The following SUCO variants were observed in gnomAD, a reference collection of about 807,000 sequenced individuals.
The protein encoded by SUCO is SUN domain-containing ossification factor.
In SUCO, 57 loss-of-function variants were observed where a neutral mutation model predicts 148.1. The ratio of observed to expected loss-of-function variants is 0.38; its 90% CI spans 0.31 to 0.48. SUCO has a LOEUF of 0.48. Among genes scored for constraint, SUCO ranks in the 20% least tolerant of loss-of-function variants. SUCO has a pLI of 0.96. For synonymous variants in SUCO, 470 were observed against 502.7 expected, an observed-to-expected ratio of 0.93 and a Z score of 0.87; for missense variants, 1,331 against 1,468.2, an observed-to-expected ratio of 0.91 and a Z score of 1.53.
chr1:172,589,041 G>T lies in SUCO; in HGVS notation c.1940G>T (p.Arg647Leu). The change falls in exon 18 of 24, where the codon CGC (arginine) becomes CTC (leucine). Residue 647 changes from arginine to leucine, a missense_variant. Arg to Leu is a moderately radical substitution (Grantham distance 102). Coordinates refer to ENST00000263688, the MANE Select transcript of SUCO (RefSeq NM_014283.5). ...GTTAGAGTTGCTCTTTATCGGCAGC[G>T]CAGCCGAACTGCTTTGAGTAAAGGA... is the stretch of plus-strand genomic sequence containing the variant. ...CSVRVALYRQRSRTALSKGKD... is the reference protein window; with the variant it reads ...CSVRVALYRQLSRTALSKGKD... 6.2e-7 allele frequency: 1 copy of T among 1,613,486 alleles called. No individual in the cohort carries two copies. Among genetic ancestry groups the T allele is most frequent in the African/African-American group, 1.3e-5 (1 of 75,004 alleles).
chr1:172,547,391 TGTTGAGAA>T (rs1371110663), intron 1 of SUCO, among the ~76,000 whole-genome samples: 1 of 152,246 alleles, frequency 6.6e-6, no homozygotes, highest in African/African-American at 2.4e-5. Flanking sequence ...TTTTCATTGC[TGTTGAGAA>T]GTACCTAAAA....
intron 6 of SUCO, among the ~76,000 whole-genome samples, chr1:172,562,216 TAA>T (rs769675452): frequency 6.6e-4 from 100 of 151,556 alleles, no homozygotes; most frequent in Admixed American, 1.2e-3. Flanking sequence ...CAAAAAAAGC[TAA>T]AAGAGTTAAA....
At chr1:172,602,655 T>G (rs1261404768) in intron 21 of SUCO, 41 bp from the exon 22 acceptor site, 8 of 1,604,100 alleles carry the variant, frequency 5.0e-6, no homozygotes, top group Non-Finnish European at 6.8e-6. Flanking sequence ...TATATGTGCT[T>G]TACTCGTTGT....
At chr1:172,551,986 A>G (rs1404456736) in intron 2 of SUCO, 1 of 154,820 alleles carries the variant, frequency 6.5e-6, no homozygotes, top group East Asian at 1.9e-4. Context: ...GGGAGAATCT[A>G]CAGTCAGTGG....
At chr1:172,555,248 A>G (rs984050585) in intron 3 of SUCO, 4 of 208,336 alleles carry the variant, frequency 1.9e-5, no homozygotes, top group Non-Finnish European at 2.5e-5. Flanking sequence ...AAAAGTGTAC[A>G]GAGAACACTG....
intron 23 of SUCO, 165 bp from the exon 24 acceptor site, chr1:172,609,651 T>A: frequency 1.0e-6 from 1 of 984,690 alleles, no homozygotes. Context: ...AAGATGATGC[T>A]AGTATCTATA....
At chr1:172,542,922 A>C (rs1185541214) in intron 1 of SUCO, 2 of 985,306 alleles carry the variant, frequency 2.0e-6, no homozygotes, top group Non-Finnish European at 1.2e-6. Context: ...GAAACTTTTC[A>C]AAAGAGGGAA....
At chr1:172,533,733 C>A (rs960607706) in intron 1 of SUCO, among the ~76,000 whole-genome samples, 6 of 152,120 alleles carry the variant, frequency 3.9e-5, no homozygotes, top group African/African-American at 1.4e-4. Context: ...GAGAGAGGTG[C>A]CAAGGTAGAG....
chr1:172,606,565 T>A (rs1242870958), intron 22 of SUCO, among the ~76,000 whole-genome samples: 2 of 151,810 alleles, frequency 1.3e-5, no homozygotes, highest in Non-Finnish European at 3.0e-5. Context: ...TAATTTTAAC[T>A]CAACAAGGTA....
chr1:172,535,610 G>A (rs980118016), intron 1 of SUCO, among the ~76,000 whole-genome samples: 1 of 152,134 alleles, frequency 6.6e-6, no homozygotes, highest in Non-Finnish European at 1.5e-5. Context: ...AACAGAAATG[G>A]CTACCAACAA....
intron 3 of SUCO, among the ~76,000 whole-genome samples, chr1:172,555,573 A>G (rs185817967): frequency 6.6e-5 from 10 of 152,310 alleles, no homozygotes; most frequent in South Asian, 6.2e-4. Context: ...TCATTCATCA[A>G]TTAGAGAAGA....
chr1:172,540,028 T>C (rs895689288), intron 1 of SUCO, among the ~76,000 whole-genome samples: 9 of 152,368 alleles, frequency 5.9e-5, no homozygotes, highest in Middle Eastern at 6.8e-3. Flanking sequence ...CTCTTCTAAG[T>C]ACTAAATACT....
At chr1:172,577,101 T>C (rs1195602163) in intron 11 of SUCO, 1 of 563,888 alleles carries the variant, frequency 1.8e-6, no homozygotes, top group Non-Finnish European at 2.2e-6. Context: ...TACCAATATG[T>C]ATATGTGTAG....
chr1:172,592,877 A>G (rs985374251), intron 19 of SUCO, among the ~76,000 whole-genome samples: 1 of 152,132 alleles, frequency 6.6e-6, no homozygotes, highest in Admixed American at 6.5e-5. Flanking sequence ...CAGTATGGCC[A>G]TTTTCACGAT....
chr1:172,580,531 T>C (rs1460455204), intron 15 of SUCO, among the ~76,000 whole-genome samples: 1 of 152,196 alleles, frequency 6.6e-6, no homozygotes, highest in Admixed American at 6.5e-5. Context: ...TGTTTTTGTT[T>C]CCCTTAATTT....
chr1:172,585,199 G>T, intron 16 of SUCO, 113 bp downstream of exon 16: 1 of 915,096 alleles, frequency 1.1e-6, no homozygotes, highest in Non-Finnish European at 1.5e-6. Context: ...TAGAAATATA[G>T]AAATAATTCA....
chr1:172,601,056 T>G (rs1055521341), intron 20 of SUCO, among the ~76,000 whole-genome samples: 2 of 152,180 alleles, frequency 1.3e-5, no homozygotes, highest in Non-Finnish European at 2.9e-5. Flanking sequence ...ATTTGAATCT[T>G]TGTATCATTA....
At chr1:172,534,875 TTCA>T (rs755791671) in intron 1 of SUCO, among the ~76,000 whole-genome samples, 3 of 152,234 alleles carry the variant, frequency 2.0e-5, no homozygotes, top group Non-Finnish European at 4.4e-5. Flanking sequence ...AACCATGTTA[TTCA>T]TCATCAAAAG....
chr1:172,560,214 A>C (rs1654051476), intron 6 of SUCO, among the ~76,000 whole-genome samples: 1 of 152,234 alleles, frequency 6.6e-6, no homozygotes, highest in Non-Finnish European at 1.5e-5. Context: ...ATTAGTAACA[A>C]GACAGCCTTC....
Sources: gnomAD v4.1 joint callset for allele counts (sites outside exome capture counted in the v4.1 genomes callset) on GRCh38, gnomAD v4.1.1 for gene constraint, MANE v1.5 for transcripts, NCBI Gene and HGNC (gene_info 2026-07-23, HGNC 2026-07-21) for gene names.